Variants in FGD6 observed in about 807,000 individuals in gnomAD.
FGD6 encodes the protein FYVE, RhoGEF and PH domain containing 6.
A neutral mutation model predicts 149.4 loss-of-function variants in FGD6; 90 were observed. The observed-to-expected ratio is 0.60, with a 90% CI of 0.51 to 0.72. The LOEUF (loss-of-function observed/expected upper bound fraction) is 0.72. Among genes scored for constraint, FGD6 ranks in the 30% least tolerant of loss-of-function variants. The probability of loss-of-function intolerance (pLI) is 0.00; values close to 1 mark genes in which losing one functional copy is unlikely to be tolerated. For missense variants in FGD6, 1,437 were observed against 1,684.8 expected, an observed-to-expected ratio of 0.85 and a Z score of 2.57; for synonymous variants, 527 against 584.0, an observed-to-expected ratio of 0.90 and a Z score of 1.41.
chr12:95,097,157 G>A (rs1169558171), intron 14 of FGD6, among the ~76,000 whole-genome samples: 2 of 152,162 alleles, frequency 1.3e-5, no homozygotes, highest in African/African-American at 2.4e-5. Flanking sequence ...ACATTTGCCC[G>A]CAGCATCCAG....
In FGD6 at chr12:95,210,319, G is replaced by A. The variant is rs747639998; in HGVS notation, c.965C>T (p.Thr322Ile). Reference protein sequence around the residue: ...FPTPKPRKTRTARLLRQKCVD... With the variant: ...FPTPKPRKTRIARLLRQKCVD... ...ACACTTTTGGCGTAACAGACGAGCA[G>A]TTCGTGTCTTTCTGGGCTTGGGAGT... The change falls in exon 2 of 21, where the codon ACT (threonine) becomes ATT (isoleucine). Residue 322 changes from threonine (T) to isoleucine (I), a missense_variant. By Grantham distance (89) the Thr-to-Ile change is moderately conservative. Around this residue, in one of 2 missense-constraint regions of FGD6, gnomAD observed 1,055 missense variants for 1,146.0 expected, o/e 0.92. Transcript: ENST00000343958. 5.0e-6 allele frequency: 8 copies of A among 1,613,980 alleles called. No homozygotes were observed. The highest frequency in any genetic ancestry group is 2.7e-5 in the African/African-American group (2 of 74,916).
chr12:95,126,816 T>A (rs1879359906), intron 8 of FGD6, among the ~76,000 whole-genome samples: 1 of 151,818 alleles, frequency 6.6e-6, no homozygotes, highest in Non-Finnish European at 1.5e-5. Context: ...TAACCCCAAC[T>A]ACTTGAGAGG....
intron 3 of FGD6, among the ~76,000 whole-genome samples, chr12:95,169,584 G>C (rs978685537): frequency 1.2e-4 from 18 of 152,290 alleles, no homozygotes; most frequent in African/African-American, 4.1e-4. Context: ...GTTGGAAACA[G>C]ACATAACACT....
intron 3 of FGD6, among the ~76,000 whole-genome samples, chr12:95,159,828 G>A (rs1880584578): frequency 6.6e-6 from 1 of 151,888 alleles, no homozygotes; most frequent in Non-Finnish European, 1.5e-5. Context: ...GCAAGACCCT[G>A]TCTTTACAAA....
intron 14 of FGD6, among the ~76,000 whole-genome samples, chr12:95,097,633 T>TC (rs1878278139): frequency 3.6e-5 from 1 of 27,466 alleles, no homozygotes; most frequent in Non-Finnish European, 7.3e-5. Flanking sequence ...AGACTCTGTC[T>TC]CAAAAAAAAA....
chr12:95,118,218 G>T (rs893798629), intron 8 of FGD6, among the ~76,000 whole-genome samples: 3 of 152,044 alleles, frequency 2.0e-5, no homozygotes, highest in Admixed American at 1.3e-4. Flanking sequence ...AGGCATGGTA[G>T]TGGGCACCTG....
intron 2 of FGD6, chr12:95,189,085 C>T (rs750757499): frequency 2.6e-5 from 4 of 152,056 alleles, no homozygotes; most frequent in Admixed American, 1.3e-4. Context: ...ATATTTTCAC[C>T]CTGGGCATCA....
At chr12:95,081,944 T>C (rs546872293) in intron 20 of FGD6, among the ~76,000 whole-genome samples, 1 of 152,244 alleles carries the variant, frequency 6.6e-6, no homozygotes, top group African/African-American at 2.4e-5. Flanking sequence ...AGTGTTGGGA[T>C]TACAGGCGTG....
intron 14 of FGD6, among the ~76,000 whole-genome samples, chr12:95,096,611 C>A (rs965052837): frequency 6.6e-6 from 1 of 152,212 alleles, no homozygotes; most frequent in African/African-American, 2.4e-5. Flanking sequence ...CCATGTCTCA[C>A]CCTCAGAGCT....
At chr12:95,124,628 A>C (rs1191849148) in intron 8 of FGD6, among the ~76,000 whole-genome samples, 1 of 152,188 alleles carries the variant, frequency 6.6e-6, no homozygotes, top group Non-Finnish European at 1.5e-5. Flanking sequence ...TCAAATCTGC[A>C]CTTAGAATTG....
chr12:95,106,330 G>A (rs894149538), intron 13 of FGD6, among the ~76,000 whole-genome samples: 14 of 148,712 alleles, frequency 9.4e-5, no homozygotes, highest in African/African-American at 3.0e-4. Context: ...GAGTGTAGTC[G>A]CGCGAGCTCA....
intron 3 of FGD6, among the ~76,000 whole-genome samples, chr12:95,159,861 G>A (rs896158358): frequency 6.6e-6 from 1 of 152,080 alleles, no homozygotes; most frequent in African/African-American, 2.4e-5. Context: ...AAAACAATTA[G>A]CCAGGCATAA....
intron 12 of FGD6, 72 bp downstream of exon 12, chr12:95,107,491 T>C (rs1682308442): frequency 2.8e-6 from 4 of 1,448,312 alleles, no homozygotes; most frequent in Non-Finnish European, 9.7e-7. Flanking sequence ...TTATCTACCA[T>C]GTATAAACGT....
intron 2 of FGD6, among the ~76,000 whole-genome samples, chr12:95,178,393 G>C (rs1266709599): frequency 6.6e-6 from 1 of 152,142 alleles, no homozygotes; most frequent in Non-Finnish European, 1.5e-5. Context: ...AGGTAAAGTA[G>C]GTAAACTAGG....
chr12:95,213,695 G>A (rs2056739042), intron 1 of FGD6, among the ~76,000 whole-genome samples: 1 of 152,112 alleles, frequency 6.6e-6, no homozygotes, highest in Non-Finnish European at 1.5e-5. Flanking sequence ...AATGCGTTTT[G>A]TACACAAATC....
intron 18 of FGD6, among the ~76,000 whole-genome samples, chr12:95,086,994 T>G (rs1056880252): frequency 7.2e-5 from 11 of 151,866 alleles, no homozygotes; most frequent in African/African-American, 2.2e-4. Context: ...ATTACAGGCG[T>G]GCACCACCAT....
chr12:95,206,715 A>T (rs1042922141), intron 2 of FGD6, among the ~76,000 whole-genome samples: 2 of 150,748 alleles, frequency 1.3e-5, no homozygotes, highest in African/African-American at 4.9e-5. Context: ...AAAAAAAAAA[A>T]GAAAAAGAAG....
At chr12:95,136,079 GT>G (rs1476094978) in intron 7 of FGD6, among the ~76,000 whole-genome samples, 1 of 152,104 alleles carries the variant, frequency 6.6e-6, no homozygotes, top group Non-Finnish European at 1.5e-5. Flanking sequence ...TTTCATTTTG[GT>G]TGGGTGAGGT....
Position 95,210,566 on chromosome 12 carries a change from T to C in FGD6, c.718A>G (p.Ser240Gly), listed in dbSNP as rs148675087. 99 of 1,614,218 alleles carry C rather than the reference T, an allele frequency of 6.1e-5. 2 individuals are homozygous for C. The African/African-American group carries it at 1.2e-3, about 19-fold the overall frequency. The change falls in exon 2 of 21, where the codon AGT becomes GGT. Residue 240 changes from serine to glycine, a missense_variant. Physicochemically the swap from Ser to Gly is moderately conservative, Grantham distance 56. Transcript: ENST00000343958. The part of the protein sequence containing the change: ...SSFEKVPDHH[S>G]CHLQLPSDEC... ...TCACTAGGAAGCTGTAAGTGGCAAC[T>C]GTGATGATCAGGAACTTTTTCAAAG...
Sources: gnomAD v4.1 joint callset for allele counts (sites outside exome capture counted in the v4.1 genomes callset) on GRCh38, gnomAD v4.1.1 for gene constraint, gnomAD v4.1.1 regional missense constraint, MANE v1.5 for transcripts, NCBI Gene and HGNC (gene_info 2026-07-23, HGNC 2026-07-21) for gene names.